The following FAF1 variants were observed in gnomAD, a reference collection of about 807,000 sequenced individuals.
The protein encoded by FAF1 is FAS-associated factor 1.
Under a neutral mutation model 92.5 loss-of-function variants are expected in FAF1, and 25 were observed. That is an observed-to-expected ratio of 0.27 (90% confidence interval 0.20 to 0.38). The LOEUF is 0.38. Among genes scored for constraint, FAF1 ranks in the 10% least tolerant of loss-of-function variants. The pLI is 1.00. For missense variants in FAF1, 636 were observed against 793.3 expected (o/e 0.80, Z 2.38); for synonymous variants, 234 against 273.2 (o/e 0.86, Z 1.42).
At position 50,440,499 on chromosome 1, in the gene FAF1, G is replaced by C. The variant is rs1305753803; in HGVS notation, c.*941C>G. 6.6e-6 allele frequency: 1 copy of C among 152,170 alleles called. No homozygotes were observed. Among genetic ancestry groups the C allele is most frequent in the Non-Finnish European group, 1.5e-5 (1 of 68,032 alleles). 9.4% of individuals were successfully genotyped at this position (152,170 alleles called of 1,614,324 possible). On this transcript the variant is annotated 3_prime_UTR_variant, in exon 19 of 19. Transcript: ENST00000396153. ...GTTCCTTATTACAGGAGAGTCCATG[G>C]GGCTGCTCATCAGATTTTGTTGATA...
At chr1:50,450,406 C>T (rs1422167178) in intron 18 of FAF1, among the ~76,000 whole-genome samples, 1 of 152,106 alleles carries the variant, frequency 6.6e-6, no homozygotes, top group Non-Finnish European at 1.5e-5. Flanking sequence ...CAGAATTGTA[C>T]CCTGGTTTGT....
intron 13 of FAF1, among the ~76,000 whole-genome samples, chr1:50,548,388 A>G (rs1649135837): frequency 6.6e-6 from 1 of 152,218 alleles, no homozygotes; most frequent in East Asian, 1.9e-4. Context: ...GACAGCTAGT[A>G]GAAGAACCAT....
At chr1:50,664,606 C>T (rs907624971) in intron 7 of FAF1, among the ~76,000 whole-genome samples, 11 of 152,026 alleles carry the variant, frequency 7.2e-5, no homozygotes, top group Non-Finnish European at 1.5e-5. Context: ...CTGGCTAACA[C>T]GGTGAAAACC....
intron 18 of FAF1, among the ~76,000 whole-genome samples, chr1:50,448,873 C>G (rs1646259404): frequency 6.6e-6 from 1 of 151,298 alleles, no homozygotes; most frequent in Non-Finnish European, 1.5e-5. Flanking sequence ...ATCCCAAAAA[C>G]CTCAGAGCAC....
chr1:50,837,161 T>C (rs1326423998), intron 2 of FAF1, among the ~76,000 whole-genome samples: 2 of 152,078 alleles, frequency 1.3e-5, no homozygotes, highest in African/African-American at 2.4e-5. Flanking sequence ...TTTCACTGTG[T>C]TAGCCAGGAT....
intron 13 of FAF1, among the ~76,000 whole-genome samples, chr1:50,558,863 G>A (rs1470313084): frequency 6.6e-6 from 1 of 152,202 alleles, no homozygotes; most frequent in Non-Finnish European, 1.5e-5. Flanking sequence ...TATAACTGTA[G>A]TACTAGGTAG....
chr1:50,583,630 A>G lies in FAF1; in HGVS notation c.1031+22T>C. ...TAGCATAAAACAGCATCAAATTTAT[A>G]TAGTTAATGTCCTAACCCTACCTTG... On this transcript the variant is annotated intron_variant, in intron 11 of 18. Transcript: ENST00000396153. This position sits in a 1 kb window ranked among gnomAD's most constrained non-coding sequence, Gnocchi z 4.2. The G allele has an allele frequency of 1.4e-6, 2 of 1,423,014 alleles. No individual in the cohort carries two copies. The highest frequency in any genetic ancestry group is 1.9e-6 in the Non-Finnish European group (2 of 1,050,194). 88.1% of individuals were successfully genotyped at this position (1,423,014 alleles called of 1,614,324 possible). A position where few individuals can be genotyped will look rare whatever the true frequency, so the allele number is the denominator to read the frequency against.
At chr1:50,838,317 T>C (rs921192381) in intron 2 of FAF1, among the ~76,000 whole-genome samples, 2 of 151,776 alleles carry the variant, frequency 1.3e-5, no homozygotes, top group African/African-American at 4.8e-5. Context: ...AACAAAAAAT[T>C]TTATCCTATG....
intron 7 of FAF1, among the ~76,000 whole-genome samples, chr1:50,702,924 C>A (rs1419227246): frequency 6.6e-6 from 1 of 151,804 alleles, no homozygotes; most frequent in Non-Finnish European, 1.5e-5. Context: ...CTTTTTCAAT[C>A]CTGTTTCATT....
intron 13 of FAF1, among the ~76,000 whole-genome samples, chr1:50,545,476 C>T (rs1424046839): frequency 2.0e-5 from 3 of 152,004 alleles, no homozygotes; most frequent in South Asian, 4.1e-4. Context: ...ACCATGTTGG[C>T]CAGGCTGGTC....
intron 6 of FAF1, among the ~76,000 whole-genome samples, chr1:50,728,949 T>C (rs2124468614): frequency 1.4e-5 from 2 of 147,846 alleles, no homozygotes; most frequent in East Asian, 2.0e-4. Flanking sequence ...GTAGAATAGA[T>C]ACAGGGAAAA....
chr1:50,699,286 C>T (rs1657366748), intron 7 of FAF1, among the ~76,000 whole-genome samples: 1 of 151,994 alleles, frequency 6.6e-6, no homozygotes, highest in Admixed American at 6.6e-5. Context: ...TTCCAAATTA[C>T]AGTACTATAC....
Position 50,713,488 on chromosome 1 carries a change from G to A in FAF1, c.552-7597C>T, listed in dbSNP as rs1294337826. ...GGTGTTTCACTATGTTGGCCAGGCTGGTCTCGAACTCCTGATCTCAGGTGA... is the reference window on the plus strand; with the variant it reads ...GGTGTTTCACTATGTTGGCCAGGCTAGTCTCGAACTCCTGATCTCAGGTGA... On this transcript the variant is annotated intron_variant, in intron 6 of 18. Transcript: ENST00000396153. Among the ~76,000 whole-genome samples the A allele has an allele frequency of 4.6e-5, 7 of 152,102 alleles. No individual in the cohort carries two copies. In the East Asian group the frequency reaches 1.2e-3, roughly 25 times the overall value.
chr1:50,663,538 GACC>G (rs1021975218), intron 7 of FAF1, among the ~76,000 whole-genome samples: 1 of 151,018 alleles, frequency 6.6e-6, no homozygotes, highest in Non-Finnish European at 1.5e-5. Context: ...AACTACCTGG[GACC>G]ACAGGCACAT....
chr1:50,859,878 T>C (rs1570063354), intron 1 of FAF1, among the ~76,000 whole-genome samples: 1 of 151,950 alleles, frequency 6.6e-6, no homozygotes, highest in Admixed American at 6.6e-5. Flanking sequence ...CAAAACAGCA[T>C]GGAATCGATA....
chr1:50,471,671 G>A (rs1487614627), intron 18 of FAF1, among the ~76,000 whole-genome samples: 1 of 152,120 alleles, frequency 6.6e-6, no homozygotes, highest in Non-Finnish European at 1.5e-5. Context: ...GCTAGAACAG[G>A]GGCTGTGTCA....
chr1:50,624,758 G>A (rs780909249), intron 8 of FAF1, among the ~76,000 whole-genome samples: 2 of 152,084 alleles, frequency 1.3e-5, no homozygotes, highest in Non-Finnish European at 2.9e-5. Flanking sequence ...TATTCCCTTG[G>A]TGTGACTTAC....
chr1:50,789,248 C>A (rs1400837345), intron 3 of FAF1, among the ~76,000 whole-genome samples: 1 of 152,154 alleles, frequency 6.6e-6, no homozygotes, highest in Non-Finnish European at 1.5e-5. Flanking sequence ...ATGTTCAAAT[C>A]TCTCCCTTCT....
chr1:50,851,862 T>C (rs746136469), intron 2 of FAF1, among the ~76,000 whole-genome samples: 1 of 152,086 alleles, frequency 6.6e-6, no homozygotes, highest in African/African-American at 2.4e-5. Context: ...GTGAGTTTAG[T>C]GAACTGAAAA....
Sources: allele counts gnomAD v4.1 joint callset (sites outside exome capture counted in the v4.1 genomes callset), GRCh38; gene constraint gnomAD v4.1.1; non-coding constraint Gnocchi (gnomAD v3.1); transcripts MANE v1.5; gene names NCBI Gene and HGNC (gene_info 2026-07-23, HGNC 2026-07-21).